The following CTC1 variants were observed in gnomAD, a reference collection of about 807,000 sequenced individuals.
The protein encoded by CTC1 is CST complex subunit CTC1.
In CTC1, 91 loss-of-function variants were observed where a neutral mutation model predicts 136.3. That is an observed-to-expected ratio of 0.67 (90% confidence interval 0.56 to 0.79). CTC1 has a LOEUF of 0.79. CTC1 is among the 30% of genes least tolerant of loss of function. The pLI is 0.00. For missense variants in CTC1, 1,432 were observed against 1,498.1 expected (o/e 0.96, Z 0.73); for synonymous variants, 606 against 613.8 (o/e 0.99, Z 0.19).
intron 18 of CTC1, 124 bp from the exon 19 acceptor site, chr17:8,229,570 T>C (rs1010441942): frequency 7.6e-6 from 6 of 789,628 alleles, no homozygotes; most frequent in African/African-American, 3.5e-5. Flanking sequence ...GTGGGTTCCA[T>C]GCGCTCCTAG....
In CTC1 at chr17:8,232,162, G is replaced by A. The variant is rs1201426650; in HGVS notation, c.2126C>T (p.Ser709Leu). ...TGTCTGAGGTGTTGAGGGTGTTGCT[G>A]AATGAAGGCAGGGTCTGGGCACAGG... The part of the protein sequence containing the change: ...ILPVPRPCLH[S>L]ATPSTPQTDP... The change falls in exon 13 of 23, where the codon TCA becomes TTA. Residue 709 changes from serine (S) to leucine (L), a missense_variant. Ser to Leu is a moderately radical substitution (Grantham distance 145). Coordinates refer to ENST00000651323, the MANE Select transcript of CTC1 (RefSeq NM_025099.6). 1 of 1,524,490 alleles carries A rather than the reference G, an allele frequency of 6.6e-7. No individual in the cohort carries two copies. Among genetic ancestry groups the A allele is most frequent in the Non-Finnish European group, 8.8e-7 (1 of 1,139,864 alleles). 94.4% of individuals were successfully genotyped at this position (1,524,490 alleles called of 1,614,324 possible).
rs1986785245 is a variant in CTC1, at chr17:8,227,083, C to T, written c.*1097G>A. 1 of 150,632 alleles carries T rather than the reference C, an allele frequency of 6.6e-6. No homozygotes were observed. Among genetic ancestry groups the T allele is most frequent in the South Asian group, 2.0e-4 (1 of 4,880 alleles). The allele number at this position is 150,632 out of a possible 1,614,324, so 9.3% of individuals were successfully genotyped here. ...ACCGGCCACTAACTTTCCGGGTCTA[C>T]TTCAAATCTTAATATAGGGTATTGC... On this transcript the variant is annotated 3_prime_UTR_variant, in exon 23 of 23. Coordinates refer to ENST00000651323, the MANE Select transcript of CTC1 (RefSeq NM_025099.6).
At position 8,237,412 on chromosome 17, in the gene CTC1, G is replaced by A. The variant is rs749384797; in HGVS notation, c.755C>T (p.Ser252Leu). ...GGACACGTGGGTGACAGCTGGGTGT[G>A]ATCTACCAAGAGACAGGATGAAGTA... ...KAYFILSLGRSHPAVTHVSII... is the reference protein window; with the variant it reads ...KAYFILSLGRLHPAVTHVSII... The change falls in exon 5 of 23, where the codon TCA becomes TTA. Residue 252 changes from serine (S) to leucine (L), a missense_variant. Ser to Leu is a moderately radical substitution (Grantham distance 145). Transcript: ENST00000651323. 6.2e-7 allele frequency: 1 copy of A among 1,614,056 alleles called. No homozygotes were observed. Among genetic ancestry groups the A allele is most frequent in the Non-Finnish European group, 8.5e-7 (1 of 1,180,014 alleles).
chr17:8,233,944 A>T (rs1003559612), intron 10 of CTC1, among the ~76,000 whole-genome samples: 1 of 152,302 alleles, frequency 6.6e-6, no homozygotes, highest in Non-Finnish European at 1.5e-5. Flanking sequence ...CTCGAAAAAA[A>T]GGATTTAAAC....
intron 5 of CTC1, among the ~76,000 whole-genome samples, 187 bp downstream of exon 5, chr17:8,237,188 G>C (rs894439814): frequency 6.6e-6 from 1 of 152,076 alleles, no homozygotes; most frequent in Non-Finnish European, 1.5e-5. Context: ...TGCACAGCGG[G>C]AAAGTCTACT....
intron 2 of CTC1, among the ~76,000 whole-genome samples, chr17:8,242,775 T>G (rs1481929999): frequency 6.6e-6 from 1 of 151,956 alleles, no homozygotes; most frequent in Non-Finnish European, 1.5e-5. Flanking sequence ...CTTCCTCTCT[T>G]TTTCTTTAAT....
chr17:8,226,544 G>A lies in CTC1; in HGVS notation c.*1636C>T, dbSNP rs1310919882. 1 of 152,310 alleles carries A rather than the reference G, an allele frequency of 6.6e-6. No individual in the cohort carries two copies. 9.4% of individuals were successfully genotyped at this position (152,310 alleles called of 1,614,324 possible). The stretch of plus-strand genomic sequence containing the variant: ...AGAGTTCCTAGATGAGAGGTTTGGA[G>A]GGTGCCGACTGGATCATCCCATCCT... On this transcript the variant is annotated 3_prime_UTR_variant, in exon 23 of 23. Coordinates refer to ENST00000651323, the MANE Select transcript of CTC1 (RefSeq NM_025099.6).
At chr17:8,233,203 A>C in intron 10 of CTC1, 171 bp from the exon 11 acceptor site, 2 of 641,158 alleles carry the variant, frequency 3.1e-6, no homozygotes, top group Non-Finnish European at 5.3e-6. Context: ...AAAAAAACAC[A>C]CACGCATTCA....
chr17:8,229,747 TGGAG>T, intron 18 of CTC1, 140 bp downstream of exon 18: 1 of 689,556 alleles, frequency 1.5e-6, no homozygotes, highest in Non-Finnish European at 2.5e-6. Context: ...ATTTTTTATT[TGGAG>T]TAGAGAAGCT....
In CTC1 at chr17:8,238,634, A is replaced by T. The variant is rs570998626; in HGVS notation, c.198-5T>A. 6.3e-7 allele frequency: 1 copy of T among 1,584,802 alleles called. No individual in the cohort carries two copies. The highest frequency in any genetic ancestry group is 1.2e-5 in the South Asian group (1 of 86,732). On this transcript the variant is annotated splice_polypyrimidine_tract_variant and splice_region_variant and intron_variant, in intron 2 of 22. Coordinates refer to ENST00000651323, the MANE Select transcript of CTC1 (RefSeq NM_025099.6). ...AGGTCCTGTACTGAGACGAAGCTGTAGAGTGAAGGGAACAGAGGTCCTGCA... is the reference window on the plus strand; with the variant it reads ...AGGTCCTGTACTGAGACGAAGCTGTTGAGTGAAGGGAACAGAGGTCCTGCA...
intron 17 of CTC1, 144 bp from the exon 18 acceptor site, chr17:8,230,112 G>A: frequency 1.0e-6 from 1 of 981,078 alleles, no homozygotes; most frequent in Non-Finnish European, 1.6e-6. Context: ...GCTAGGGGAA[G>A]ACTAGGAGGA....
At chr17:8,232,508 A>G (rs974624063) in intron 11 of CTC1, 33 bp from the exon 12 acceptor site, 43 of 1,583,066 alleles carry the variant, frequency 2.7e-5, no homozygotes, top group Non-Finnish European at 3.6e-5. Context: ...TTTGACAAGA[A>G]AGGAGACCTG....
At chr17:8,231,001 T>C (rs986006370) in intron 15 of CTC1, 1 of 494,296 alleles carries the variant, frequency 2.0e-6, no homozygotes, top group African/African-American at 1.9e-5. Context: ...TAGCTGGGTG[T>C]GGTGGCGTGC....
At chr17:8,230,229 G>A (rs2151503193) in intron 17 of CTC1, 65 bp downstream of exon 17, 2 of 1,500,146 alleles carry the variant, frequency 1.3e-6, no homozygotes, top group Non-Finnish European at 1.8e-6. Flanking sequence ...AAGTTAAGCA[G>A]GGGTGCACAT....
Position 8,227,163 on chromosome 17 carries a change from C to T in CTC1, c.*1017G>A, listed in dbSNP as rs555296895. 2 of 152,286 alleles carry T rather than the reference C, an allele frequency of 1.3e-5. No individual in the cohort carries two copies. The highest frequency in any genetic ancestry group is 4.1e-4 in the South Asian group (2 of 4,828). The allele number at this position is 152,286 out of a possible 1,614,324, so 9.4% of individuals were successfully genotyped here. Reference sequence around the variant, plus strand: ...ATGGGTTTAACCACGCTCTAAAGGTCTCCCAAACACGAACAAATCCTAACA... The same window carrying T: ...ATGGGTTTAACCACGCTCTAAAGGTTTCCCAAACACGAACAAATCCTAACA... On this transcript the variant is annotated 3_prime_UTR_variant, in exon 23 of 23. Coordinates refer to ENST00000651323, the MANE Select transcript of CTC1 (RefSeq NM_025099.6).
In CTC1 at chr17:8,228,519, C is replaced by A. The variant is rs369209127; in HGVS notation, c.3498G>T (p.Ser1166=). ...VLSFELERKP[S]KIVPLEPPRL... ...CAACCTTACCTAATGGGACGATCTTCGACGGTTTCCTTTCCAGCTCAAAAG... is the reference window on the plus strand; with the variant it reads ...CAACCTTACCTAATGGGACGATCTTAGACGGTTTCCTTTCCAGCTCAAAAG... The change falls in exon 22 of 23, where the codon TCG becomes TCT. Residue 1166 remains serine (S), a synonymous_variant. Transcript: ENST00000651323. 1 of 1,614,082 alleles carries A rather than the reference C, an allele frequency of 6.2e-7. No homozygotes were observed. Among genetic ancestry groups the A allele is most frequent in the African/African-American group, 1.3e-5 (1 of 75,000 alleles).
At chr17:8,231,571 A>G in intron 14 of CTC1, 102 bp from the exon 15 acceptor site, 1 of 1,285,304 alleles carries the variant, frequency 7.8e-7, no homozygotes, top group Non-Finnish European at 1.1e-6. Context: ...GAGCATGGAG[A>G]AGGAAGTGTG....
chr17:8,241,309 G>A (rs1190385213), intron 2 of CTC1, among the ~76,000 whole-genome samples: 2 of 150,474 alleles, frequency 1.3e-5, no homozygotes, highest in Non-Finnish European at 3.0e-5. Flanking sequence ...AAAAAAAGAA[G>A]TATAATGTTA....
chr17:8,228,312 A>C lies in CTC1; in HGVS notation c.3522T>G (p.Pro1174=), dbSNP rs769274440. 4 of 1,614,064 alleles carry C rather than the reference A, an allele frequency of 2.5e-6. No homozygotes were observed. Among genetic ancestry groups the C allele is most frequent in the South Asian group, 1.1e-5 (1 of 91,086 alleles). ...KPSKIVPLEP[P]RLQRFQCGEL... Reference sequence around the variant, plus strand: ...CTCCACACTGGAATCGCTGTAGCCGAGGAGGTTCTGAGGTGGGAAGAGAGG... The same window carrying C: ...CTCCACACTGGAATCGCTGTAGCCGCGGAGGTTCTGAGGTGGGAAGAGAGG... Residue 1174 remains proline (P), a synonymous_variant, in exon 23 of 23, where the codon CCT becomes CCG. Coordinates refer to ENST00000651323, the MANE Select transcript of CTC1 (RefSeq NM_025099.6).
Sources: allele counts gnomAD v4.1 joint callset (sites outside exome capture counted in the v4.1 genomes callset), GRCh38; gene constraint gnomAD v4.1.1; transcripts MANE v1.5; gene names NCBI Gene and HGNC (gene_info 2026-07-23, HGNC 2026-07-21).